The following ITCH variants were observed in gnomAD, a reference collection of about 807,000 sequenced individuals.
The protein encoded by ITCH is E3 ubiquitin-protein ligase Itchy homolog.
A neutral mutation model predicts 126.8 loss-of-function variants in ITCH; 28 were observed. The ratio of observed to expected loss-of-function variants is 0.22; its 90% CI spans 0.16 to 0.30. ITCH has a LOEUF of 0.30. Ranked by LOEUF, ITCH falls within the 10% of genes least tolerant of loss-of-function variation. The pLI is 1.00. For missense variants in ITCH, 631 were observed against 1,032.4 expected, an observed-to-expected ratio of 0.61 and a Z score of 5.33; for synonymous variants, 342 against 340.0, an observed-to-expected ratio of 1.01 and a Z score of -0.06.
intron 23 of ITCH, among the ~76,000 whole-genome samples, chr20:34,503,623 AGCTTT>A (rs1158039099): frequency 6.6e-6 from 1 of 152,204 alleles, no homozygotes; most frequent in East Asian, 1.9e-4. Context: ...ACTAAAATTA[AGCTTT>A]TTGTGTGTTC....
chr20:34,393,923 C>A (rs768629979), intron 3 of ITCH, 42 bp downstream of exon 3: 15 of 1,546,292 alleles, frequency 9.7e-6, no homozygotes, highest in Non-Finnish European at 1.3e-5. Flanking sequence ...TATTTTTCCC[C>A]GTATGATTAA....
At chr20:34,410,378 AAGAG>A (rs200762262) in intron 4 of ITCH, among the ~76,000 whole-genome samples, 1 of 103,406 alleles carries the variant, frequency 9.7e-6, no homozygotes. Flanking sequence ...TGTCTCAAAA[AAGAG>A]AGAAAAAAAA....
Position 34,449,763 on chromosome 20 carries a change from A to G in ITCH, c.1210+283A>G, listed in dbSNP as rs77881531. On this transcript the variant is annotated intron_variant, in intron 12 of 24. Transcript: ENST00000374864. ...CCCAGCAATAAAAAAGGAATGGGCT[A>G]TTGATACACCAGTAGGTCTGGGTGG... 8.1e-4 allele frequency among the ~76,000 whole-genome samples: 124 copies of G among 152,292 alleles called. 5 individuals are homozygous for G. The East Asian group carries it at 0.023, about 28-fold the overall frequency.
intron 6 of ITCH, among the ~76,000 whole-genome samples, chr20:34,414,816 A>C (rs1979600239): frequency 6.6e-6 from 1 of 152,134 alleles, no homozygotes; most frequent in Non-Finnish European, 1.5e-5. Flanking sequence ...CCCAGCCATT[A>C]CAAGCTGAGA....
Position 34,449,529 on chromosome 20 carries a change from C to G in ITCH, c.1210+49C>G, listed in dbSNP as rs746304810. On this transcript the variant is annotated intron_variant, in intron 12 of 24. Coordinates refer to ENST00000374864, the MANE Select transcript of ITCH (RefSeq NM_031483.7). ...GGAGTTCTGTCATTTCATTTTTGTT[C>G]TCTTCCAATTGTGTCATTTTAAAAC... The G allele has an allele frequency of 2.4e-6, 3 of 1,247,034 alleles. No individual in the cohort carries two copies. The African/African-American group carries it at 4.4e-5, about 18-fold the overall frequency. The allele number at this position is 1,247,034 out of a possible 1,614,324, so 77.2% of individuals were successfully genotyped here. A position where few individuals can be genotyped will look rare whatever the true frequency, so the allele number is the denominator to read the frequency against.
chr20:34,438,454 T>C lies in ITCH; in HGVS notation c.522-20T>C. 6.2e-7 allele frequency: 1 copy of C among 1,613,658 alleles called. No individual in the cohort carries two copies. On this transcript the variant is annotated intron_variant, in intron 7 of 24. Coordinates refer to ENST00000374864, the MANE Select transcript of ITCH (RefSeq NM_031483.7). ...TCATTATTTCCCTCTCCCCCTTCCT[T>C]TTCCCCTCTTCTTACCCAGAGTGAG... is the stretch of plus-strand genomic sequence containing the variant.
chr20:34,386,942 C>T (rs192649742), intron 2 of ITCH, among the ~76,000 whole-genome samples: 2 of 151,962 alleles, frequency 1.3e-5, no homozygotes, highest in South Asian at 4.1e-4. Flanking sequence ...GTTTTAGCAC[C>T]TTCTTTCTAT....
At chr20:34,479,819 T>C in intron 18 of ITCH, 30 bp downstream of exon 18, 1 of 1,602,046 alleles carries the variant, frequency 6.2e-7, no homozygotes, top group Non-Finnish European at 8.5e-7. Context: ...TATGTTTACT[T>C]TGCTTATTCA....
intron 20 of ITCH, among the ~76,000 whole-genome samples, chr20:34,483,749 A>G (rs112882245): frequency 0.041 from 6,305 of 152,300 alleles, 383 homozygotes; most frequent in African/African-American, 0.13. Flanking sequence ...CTAAAGTTGC[A>G]TCCACATTTT....
In ITCH at chr20:34,475,913, T is replaced by G. The variant is rs539171209; in HGVS notation, c.1570-1859T>G. On this transcript the variant is annotated intron_variant, in intron 16 of 24. Transcript: ENST00000374864. Reference sequence around the variant, plus strand: ...GTAAAATTCCATGAAAATATTCCTATTTGTTCTAGTTCAGGAGGTCTTGCC... The same window carrying G: ...GTAAAATTCCATGAAAATATTCCTAGTTGTTCTAGTTCAGGAGGTCTTGCC... 3.9e-5 allele frequency: 45 copies of G among 1,165,388 alleles called. No homozygotes were observed. In the African/African-American group the frequency reaches 6.1e-4, roughly 16 times the overall value. 72.2% of individuals were successfully genotyped at this position (1,165,388 alleles called of 1,614,324 possible). A position where few individuals can be genotyped will look rare whatever the true frequency, so the allele number is the denominator to read the frequency against.
At chr20:34,473,799 T>C (rs190120293) in intron 16 of ITCH, among the ~76,000 whole-genome samples, 137 of 152,346 alleles carry the variant, frequency 9.0e-4, no homozygotes, top group African/African-American at 3.1e-3. Flanking sequence ...TACTGAGCAA[T>C]TAAATATTTT....
chr20:34,461,730 AAAAGC>A (rs1316495153), intron 13 of ITCH, among the ~76,000 whole-genome samples: 2 of 151,762 alleles, frequency 1.3e-5, no homozygotes, highest in African/African-American at 2.4e-5. Flanking sequence ...AAAAAAAAAA[AAAAGC>A]AGGAGAGAAA....
chr20:34,431,827 G>T (rs925823405), intron 7 of ITCH, among the ~76,000 whole-genome samples: 32 of 152,178 alleles, frequency 2.1e-4, no homozygotes, highest in African/African-American at 7.7e-4. Context: ...ATCACTTGAG[G>T]TTAGGAGTTC....
At chr20:34,477,598 T>C (rs1988355063) in intron 16 of ITCH, among the ~76,000 whole-genome samples, 174 bp from the exon 17 acceptor site, 1 of 152,180 alleles carries the variant, frequency 6.6e-6, no homozygotes, top group Admixed American at 6.5e-5. Context: ...TAAAATATTA[T>C]TAAACGTTAC....
chr20:34,383,244 A>G (rs996242820), intron 2 of ITCH, among the ~76,000 whole-genome samples: 4 of 150,930 alleles, frequency 2.7e-5, no homozygotes, highest in South Asian at 2.1e-4. Flanking sequence ...GTGTCTTGCT[A>G]TGTTGCCCAG....
chr20:34,417,865 T>C (rs773026734), intron 6 of ITCH, among the ~76,000 whole-genome samples: 1 of 151,812 alleles, frequency 6.6e-6, no homozygotes, highest in South Asian at 2.1e-4. Flanking sequence ...TTAGTACCAG[T>C]CTTCCCATTT....
chr20:34,423,210 A>G (rs1981028343), intron 6 of ITCH, among the ~76,000 whole-genome samples: 1 of 152,200 alleles, frequency 6.6e-6, no homozygotes, highest in African/African-American at 2.4e-5. Context: ...TTTGAGGTTC[A>G]TCCATGATAT....
At chr20:34,376,751 T>C (rs1478697338) in intron 2 of ITCH, among the ~76,000 whole-genome samples, 1 of 152,116 alleles carries the variant, frequency 6.6e-6, no homozygotes, top group Non-Finnish European at 1.5e-5. Flanking sequence ...TGGTATTTTG[T>C]GAAGATTTAT....
At chr20:34,468,979 T>G (rs1490024625) in intron 14 of ITCH, among the ~76,000 whole-genome samples, 2 of 152,122 alleles carry the variant, frequency 1.3e-5, no homozygotes, top group Admixed American at 6.5e-5. Flanking sequence ...ATGTACAAAA[T>G]CAGTTGTATT....
Sources: gnomAD v4.1 joint callset for allele counts (sites outside exome capture counted in the v4.1 genomes callset) on GRCh38, gnomAD v4.1.1 for gene constraint, MANE v1.5 for transcripts, NCBI Gene and HGNC (gene_info 2026-07-23, HGNC 2026-07-21) for gene names.